Variants in NAV2 observed in about 807,000 individuals in gnomAD.
The protein encoded by NAV2 is helicase, APC down-regulated 1.
In NAV2, 54 loss-of-function variants were observed where a neutral mutation model predicts 223.2. That is an observed-to-expected ratio of 0.24 (90% CI 0.19 to 0.30). The LOEUF (loss-of-function observed/expected upper bound fraction) is 0.30, where lower values mean the gene tolerates loss of function less well. Ranked by LOEUF, NAV2 falls within the 10% of genes least tolerant of loss-of-function variation. The pLI, the probability that NAV2 is intolerant of heterozygous loss-of-function variation, is 1.00. For synonymous variants in NAV2, 1,279 were observed against 1,239.3 expected (o/e 1.03, Z -0.67); for missense variants, 2,806 against 3,147.5 (o/e 0.89, Z 2.60).
intron 1 of NAV2, among the ~76,000 whole-genome samples, chr11:19,822,196 A>G (rs954406477): frequency 2.6e-5 from 4 of 152,214 alleles, no homozygotes; most frequent in African/African-American, 9.6e-5. Flanking sequence ...AGTAACCAGA[A>G]TGGGTGATCC....
intron 5 of NAV2, 61 bp downstream of exon 5, chr11:19,880,188 A>C: frequency 6.8e-7 from 1 of 1,480,738 alleles, no homozygotes; most frequent in Non-Finnish European, 9.0e-7. Flanking sequence ...ACCCCAACCA[A>C]TCTCTAGGCT....
At chr11:19,679,613 A>C (rs2048822611) in intron 1 of NAV2, among the ~76,000 whole-genome samples, 1 of 151,768 alleles carries the variant, frequency 6.6e-6, no homozygotes, top group Non-Finnish European at 1.5e-5. Context: ...ACTCATTCCT[A>C]CTCTTCAAGA....
At position 19,885,720 on chromosome 11, in the gene NAV2, C is replaced by T. The variant is rs945216021; in HGVS notation, c.770+5593C>T. 2.7e-4 allele frequency among the ~76,000 whole-genome samples: 41 copies of T among 152,072 alleles called. 1 individual carries two copies. Among genetic ancestry groups the T allele is most frequent in the Non-Finnish European group, 8.8e-5 (6 of 68,026 alleles). ...GCTTTTTGGCTTTGTATAATTCTTA[C>T]CTAAATGATTGCAGAGATATCCAAG... On this transcript the variant is annotated intron_variant, in intron 5 of 37. Transcript: ENST00000349880.
chr11:19,893,375 G>A (rs1208745872), intron 6 of NAV2, among the ~76,000 whole-genome samples: 1 of 152,126 alleles, frequency 6.6e-6, no homozygotes, highest in Non-Finnish European at 1.5e-5. Context: ...TAGGAAATAT[G>A]TCCAGGTCTC....
chr11:19,522,365 C>G (rs2043691889), intron 1 of NAV2, among the ~76,000 whole-genome samples: 1 of 152,230 alleles, frequency 6.6e-6, no homozygotes, highest in Non-Finnish European at 1.5e-5. Flanking sequence ...CAGGGAGCAT[C>G]TGCTTCTGTG....
chr11:20,031,255 C>T (rs1007243232), intron 11 of NAV2, among the ~76,000 whole-genome samples: 4 of 152,232 alleles, frequency 2.6e-5, no homozygotes, highest in Non-Finnish European at 5.9e-5. Flanking sequence ...AGGTTCCTTT[C>T]AAGTTGCTAT....
intron 6 of NAV2, among the ~76,000 whole-genome samples, chr11:19,899,786 G>A (rs895403280): frequency 3.9e-5 from 6 of 152,172 alleles, no homozygotes; most frequent in African/African-American, 1.4e-4. Context: ...GAAAAGGAAG[G>A]CTGGGAAAGA....
At chr11:19,679,699 C>T (rs10833155) in intron 1 of NAV2, among the ~76,000 whole-genome samples, 109,413 of 152,084 alleles carry the variant, frequency 0.72, 44,936 homozygotes, top group Non-Finnish European at 0.91. Flanking sequence ...GTGTTCTGTG[C>T]TCCCCACATC....
chr11:19,487,148 T>C (rs2042470189), intron 1 of NAV2, among the ~76,000 whole-genome samples: 1 of 152,170 alleles, frequency 6.6e-6, no homozygotes, highest in Non-Finnish European at 1.5e-5. Flanking sequence ...GCTGTCCTGC[T>C]CTCTGAGCCT....
chr11:20,026,633 A>G (rs1239855358), intron 11 of NAV2, among the ~76,000 whole-genome samples: 4 of 152,224 alleles, frequency 2.6e-5, no homozygotes, highest in African/African-American at 9.6e-5. Context: ...TTTTAATTAA[A>G]GTAACTGTAT....
chr11:19,419,776 T>C (rs1850533393), intron 1 of NAV2, among the ~76,000 whole-genome samples: 1 of 152,088 alleles, frequency 6.6e-6, no homozygotes, highest in South Asian at 2.1e-4. Flanking sequence ...AAGAAGTGAA[T>C]TAAGAGTCAG....
chr11:19,926,042 T>C (rs2044715912), intron 6 of NAV2, among the ~76,000 whole-genome samples: 1 of 152,178 alleles, frequency 6.6e-6, no homozygotes, highest in African/African-American at 2.4e-5. Context: ...TTTTTCAAGA[T>C]TGTTTTGATT....
intron 17 of NAV2, among the ~76,000 whole-genome samples, chr11:20,052,398 C>G (rs1650661760): frequency 6.6e-6 from 1 of 152,180 alleles, no homozygotes; most frequent in Non-Finnish European, 1.5e-5. Flanking sequence ...AGCAGTGTGG[C>G]CTTAGAGGGG....
At chr11:19,541,472 A>G (rs1416935580) in intron 1 of NAV2, among the ~76,000 whole-genome samples, 3 of 152,228 alleles carry the variant, frequency 2.0e-5, no homozygotes, top group Non-Finnish European at 4.4e-5. Context: ...ATCTTTGGGA[A>G]CTGCCAGCCG....
At chr11:19,705,952 T>A (rs1300197836) in intron 1 of NAV2, among the ~76,000 whole-genome samples, 2 of 152,208 alleles carry the variant, frequency 1.3e-5, no homozygotes, top group Non-Finnish European at 2.9e-5. Flanking sequence ...GACTCTAGGC[T>A]GACCTTCACA....
At chr11:19,992,928 A>C (rs953274517) in intron 11 of NAV2, among the ~76,000 whole-genome samples, 1 of 152,180 alleles carries the variant, frequency 6.6e-6, no homozygotes, top group African/African-American at 2.4e-5. Context: ...ACTGTTCAAC[A>C]GTTGTTTAAA....
intron 1 of NAV2, among the ~76,000 whole-genome samples, chr11:19,428,259 C>A (rs934277962): frequency 6.6e-6 from 1 of 152,102 alleles, no homozygotes; most frequent in African/African-American, 2.4e-5. Context: ...ATACCATTTC[C>A]CAATTTGTTT....
intron 1 of NAV2, among the ~76,000 whole-genome samples, chr11:19,809,496 A>G (rs774108742): frequency 6.6e-6 from 1 of 152,222 alleles, no homozygotes; most frequent in African/African-American, 2.4e-5. Flanking sequence ...GAAAGTTGCC[A>G]TATACCCCAC....
At chr11:19,604,960 A>G (rs561041820) in intron 1 of NAV2, among the ~76,000 whole-genome samples, 22 of 152,100 alleles carry the variant, frequency 1.4e-4, no homozygotes, top group Non-Finnish European at 2.4e-4. Context: ...CCATGATTGT[A>G]AGGCCTCCCC....
Sources: allele counts gnomAD v4.1 joint callset (sites outside exome capture counted in the v4.1 genomes callset), GRCh38; gene constraint gnomAD v4.1.1; transcripts MANE v1.5; gene names NCBI Gene and HGNC (gene_info 2026-07-23, HGNC 2026-07-21).